The following EBF1 variants were observed in gnomAD, a reference collection of about 807,000 sequenced individuals.
The protein encoded by EBF1 is transcription factor COE1.
In EBF1, 10 loss-of-function variants were observed where a neutral mutation model predicts 68.4. The observed-to-expected ratio is 0.15, with a 90% CI of 0.09 to 0.25. EBF1 has a LOEUF of 0.25. EBF1 is among the 10% of genes least tolerant of loss of function. The probability of loss-of-function intolerance (pLI) is 1.00; values close to 1 mark genes in which losing one functional copy is unlikely to be tolerated. For missense variants in EBF1, 509 were observed against 794.4 expected (o/e 0.64, Z 4.32); for synonymous variants, 298 against 299.8 (o/e 0.99, Z 0.06).
Position 158,730,084 on chromosome 5 carries a change from G to A in EBF1, c.1125+985C>T, listed in dbSNP as rs574540798. On this transcript the variant is annotated intron_variant, in intron 11 of 15. Coordinates refer to ENST00000313708, the MANE Select transcript of EBF1 (RefSeq NM_024007.5). ...ACACGGATACATAAACCTAGAAATG[G>A]CATATCTCTAGACTTACTGTGGCAA... 6.6e-5 allele frequency among the ~76,000 whole-genome samples: 10 copies of A among 152,308 alleles called. 3 individuals carry two copies. Among genetic ancestry groups the A allele is most frequent in the Admixed American group, 5.9e-4 (9 of 15,304 alleles).
At chr5:158,929,538 A>C (rs1810395115) in intron 6 of EBF1, among the ~76,000 whole-genome samples, 1 of 150,908 alleles carries the variant, frequency 6.6e-6, no homozygotes, top group Admixed American at 6.6e-5. Context: ...CACTCCAGTC[A>C]CATGTGTCTA....
chr5:158,843,307 G>T (rs1790703970), intron 6 of EBF1, among the ~76,000 whole-genome samples: 1 of 152,212 alleles, frequency 6.6e-6, no homozygotes, highest in Non-Finnish European at 1.5e-5. Context: ...CCATGAGGGG[G>T]TCCATCTGGT....
In EBF1 at chr5:159,099,534, A is replaced by C; in HGVS notation, c.-56T>G. ...TCCCCCTTGAAAAAAATTAAAAAAA[A>C]AAAAAAAGGAAAGAAAAGAAAGAAA... On this transcript the variant is annotated 5_prime_UTR_variant, in exon 1 of 16. Coordinates refer to ENST00000313708, the MANE Select transcript of EBF1 (RefSeq NM_024007.5). 7.0e-7 allele frequency: 1 copy of C among 1,430,430 alleles called. No homozygotes were observed. The highest frequency in any genetic ancestry group is 2.8e-5 in the Admixed American group (1 of 36,046). 88.6% of individuals were successfully genotyped at this position (1,430,430 alleles called of 1,614,324 possible). A position where few individuals can be genotyped will look rare whatever the true frequency, so the allele number is the denominator to read the frequency against.
At chr5:159,011,130 T>G (rs1404255398) in intron 6 of EBF1, among the ~76,000 whole-genome samples, 2 of 152,220 alleles carry the variant, frequency 1.3e-5, no homozygotes, top group African/African-American at 4.8e-5. Flanking sequence ...CGCCTAACTT[T>G]ATTTCACATC....
chr5:159,068,492 A>G (rs917818499), intron 6 of EBF1, among the ~76,000 whole-genome samples: 2 of 152,170 alleles, frequency 1.3e-5, no homozygotes, highest in African/African-American at 2.4e-5. Flanking sequence ...TTATATAAAT[A>G]CATTGGTGTC....
chr5:158,873,558 T>C (rs1459208626), intron 6 of EBF1, among the ~76,000 whole-genome samples: 1 of 152,196 alleles, frequency 6.6e-6, no homozygotes, highest in Non-Finnish European at 1.5e-5. Flanking sequence ...CTACTATGAA[T>C]GAAAACCCAT....
chr5:158,818,681 C>A lies in EBF1; in HGVS notation c.778+4495G>T, dbSNP rs144578918. 3.9e-3 allele frequency among the ~76,000 whole-genome samples: 596 copies of A among 152,216 alleles called. 4 individuals are homozygous for A. The highest frequency in any genetic ancestry group is 0.014 in the African/African-American group (572 of 41,534). ...GCACATTTATGTTTTATGTTGCAGT[C>A]TTTATTATAACTTTGAAGGGAAATT... On this transcript the variant is annotated intron_variant, in intron 8 of 15. Coordinates refer to ENST00000313708, the MANE Select transcript of EBF1 (RefSeq NM_024007.5).
intron 1 of EBF1, chr5:159,097,685 A>T (rs1191480610): frequency 4.3e-6 from 1 of 234,110 alleles, no homozygotes; most frequent in African/African-American, 2.2e-5. Flanking sequence ...AAGCATGTGG[A>T]GAAGGGTCCG....
chr5:158,744,417 A>G (rs80266294), intron 10 of EBF1, among the ~76,000 whole-genome samples: 4,347 of 152,236 alleles, frequency 0.029, 210 homozygotes, highest in African/African-American at 0.098. Context: ...TATCAACACC[A>G]TCTAGTGCAG....
At chr5:159,015,697 A>C (rs1243322289) in intron 6 of EBF1, among the ~76,000 whole-genome samples, 1 of 152,216 alleles carries the variant, frequency 6.6e-6, no homozygotes, top group Non-Finnish European at 1.5e-5. Context: ...CCACATGAAG[A>C]ACACACATTA....
chr5:159,083,428 C>T (rs1780071672), intron 5 of EBF1, among the ~76,000 whole-genome samples: 1 of 152,104 alleles, frequency 6.6e-6, no homozygotes, highest in Non-Finnish European at 1.5e-5. Flanking sequence ...AGAAAAACAA[C>T]CTATTTTCAT....
At chr5:159,058,419 A>C (rs1775179126) in intron 6 of EBF1, among the ~76,000 whole-genome samples, 2 of 152,218 alleles carry the variant, frequency 1.3e-5, no homozygotes. Flanking sequence ...TTCTCAGCTG[A>C]AGGGGACCCT....
chr5:158,968,090 C>CA (rs1184375624), intron 6 of EBF1, among the ~76,000 whole-genome samples: 2 of 150,434 alleles, frequency 1.3e-5, no homozygotes, highest in Non-Finnish European at 3.0e-5. Context: ...CAAATAATTG[C>CA]AAAAAAAAAT....
Position 158,711,661 on chromosome 5 carries a change from G to GT in EBF1, c.1549+492dup, listed in dbSNP as rs548387604. Among the ~76,000 whole-genome samples the GT allele has an allele frequency of 7.4e-4, 112 of 151,128 alleles. 1 individual carries two copies. The highest frequency in any genetic ancestry group is 2.4e-3 in the African/African-American group (99 of 41,394). On this transcript the variant is annotated intron_variant, in intron 14 of 15. Transcript: ENST00000313708. ...TATGGTGTCCTCATTGTTTATGGGG[G>GT]TTTTTTTGTTTGCTTTTTTTTTTTC... is the stretch of plus-strand genomic sequence containing the variant.
intron 10 of EBF1, among the ~76,000 whole-genome samples, chr5:158,754,749 C>G (rs1698052797): frequency 6.6e-6 from 1 of 152,060 alleles, no homozygotes; most frequent in Non-Finnish European, 1.5e-5. Context: ...CCATCCTGAC[C>G]TGACAAAGAC....
At chr5:158,924,852 C>CAAA (rs34744460) in intron 6 of EBF1, among the ~76,000 whole-genome samples, 1,075 of 50,760 alleles carry the variant, frequency 0.021, 68 homozygotes, top group African/African-American at 0.057. Context: ...GACTCTGTCT[C>CAAA]AAAAAAAAAA....
chr5:158,745,985 T>C (rs1284734521), intron 10 of EBF1, among the ~76,000 whole-genome samples: 1 of 152,028 alleles, frequency 6.6e-6, no homozygotes, highest in Non-Finnish European at 1.5e-5. Context: ...TAGCTAAAGT[T>C]ATGCCCTGAA....
chr5:158,782,706 A>G (rs916253512), intron 9 of EBF1, among the ~76,000 whole-genome samples: 6 of 152,150 alleles, frequency 3.9e-5, no homozygotes, highest in African/African-American at 9.7e-5. Flanking sequence ...TTAAGTAGTT[A>G]ATGACTTACA....
At chr5:158,767,697 G>A (rs1773042347) in intron 10 of EBF1, among the ~76,000 whole-genome samples, 1 of 151,804 alleles carries the variant, frequency 6.6e-6, no homozygotes, top group African/African-American at 2.4e-5. Flanking sequence ...TAGAGTTAGG[G>A]TGAAAAAAAA....
Sources: allele counts gnomAD v4.1 joint callset (sites outside exome capture counted in the v4.1 genomes callset), GRCh38; gene constraint gnomAD v4.1.1; transcripts MANE v1.5; gene names NCBI Gene and HGNC (gene_info 2026-07-23, HGNC 2026-07-21).